Variants in HSD17B11 observed in about 807,000 individuals in gnomAD.
HSD17B11 encodes the protein estradiol 17-beta-dehydrogenase 11.
In HSD17B11, 22 loss-of-function variants were observed where a neutral mutation model predicts 27.8. That is an observed-to-expected ratio of 0.79 (90% CI 0.56 to 1.13). HSD17B11 has a LOEUF of 1.13. Ranked by LOEUF, HSD17B11 falls within the 50% of genes most tolerant of loss-of-function variation. The pLI, the probability that HSD17B11 is intolerant of heterozygous loss-of-function variation, is 0.00. For missense variants in HSD17B11, 314 were observed against 351.1 expected (o/e 0.89, Z 0.84); for synonymous variants, 117 against 132.8 (o/e 0.88, Z 0.82).
chr4:87,345,022 T>C (rs916494805), intron 5 of HSD17B11: 1 of 152,328 alleles, frequency 6.6e-6, no homozygotes, highest in Admixed American at 6.5e-5. Flanking sequence ...CCCAGCACTT[T>C]GGAGGCTGAG....
At chr4:87,354,317 A>G (rs2110115945) in intron 5 of HSD17B11, among the ~76,000 whole-genome samples, 1 of 152,112 alleles carries the variant, frequency 6.6e-6, no homozygotes, top group South Asian at 2.1e-4. Context: ...AAATAATAAT[A>G]ATAATAAAAT....
chr4:87,378,225 A>C (rs1008812933), intron 2 of HSD17B11, among the ~76,000 whole-genome samples: 4 of 152,212 alleles, frequency 2.6e-5, no homozygotes, highest in African/African-American at 9.7e-5. Flanking sequence ...TTATACCTAT[A>C]TACTATTTTA....
chr4:87,369,719 A>T (rs1001735670), intron 4 of HSD17B11, among the ~76,000 whole-genome samples: 2 of 152,184 alleles, frequency 1.3e-5, no homozygotes, highest in Non-Finnish European at 2.9e-5. Flanking sequence ...TACAGGTGTC[A>T]GCCACCATGC....
At chr4:87,343,744 C>T (rs1735217634) in intron 5 of HSD17B11, among the ~76,000 whole-genome samples, 1 of 152,016 alleles carries the variant, frequency 6.6e-6, no homozygotes, top group South Asian at 2.1e-4. Context: ...GACGGGGTTT[C>T]ACCATGTTAG....
chr4:87,365,302 T>C (rs1246640608), intron 4 of HSD17B11, among the ~76,000 whole-genome samples: 3 of 152,198 alleles, frequency 2.0e-5, no homozygotes, highest in African/African-American at 7.2e-5. Flanking sequence ...TTCAGAAAAA[T>C]AGAAACTAAT....
rs1321690398 is a variant in HSD17B11 at position 87,391,184 on chromosome 4, G to A, written c.-114C>T. ...AAAGAGTAGGGGCGAGAGCAAGGAG[G>A]AACTCCCGTATCAAAGAAAAACAAC... On this transcript the variant is annotated 5_prime_UTR_variant, in exon 1 of 7. Transcript: ENST00000358290. 4 of 709,330 alleles carry A rather than the reference G, an allele frequency of 5.6e-6. No homozygotes were observed. The highest frequency in any genetic ancestry group is 6.8e-6 in the Non-Finnish European group (3 of 440,222). 43.9% of individuals were successfully genotyped at this position (709,330 alleles called of 1,614,324 possible). A position where few individuals can be genotyped will look rare whatever the true frequency, so the allele number is the denominator to read the frequency against.
chr4:87,360,601 C>A (rs1179139023), intron 4 of HSD17B11, among the ~76,000 whole-genome samples: 1 of 152,202 alleles, frequency 6.6e-6, no homozygotes, highest in African/African-American at 2.4e-5. Context: ...AGAACAAGAA[C>A]GTTTGAAGCC....
intron 4 of HSD17B11, 99 bp from the exon 5 acceptor site, chr4:87,357,515 C>G: frequency 8.7e-7 from 1 of 1,145,828 alleles, no homozygotes; most frequent in Non-Finnish European, 1.2e-6. Flanking sequence ...GTGGGCATTC[C>G]CTGAGTCTCA....
At chr4:87,370,408 ATAT>A (rs558649956) in intron 4 of HSD17B11, among the ~76,000 whole-genome samples, 14 of 151,716 alleles carry the variant, frequency 9.2e-5, no homozygotes, top group Admixed American at 5.3e-4. Flanking sequence ...AATAAGTTAG[ATAT>A]TATTATTATT....
intron 3 of HSD17B11, 142 bp from the exon 4 acceptor site, chr4:87,372,957 A>C (rs1424293152): frequency 6.6e-6 from 4 of 603,522 alleles, no homozygotes; most frequent in Non-Finnish European, 1.2e-5. Flanking sequence ...CAAATGCAGC[A>C]ACAATAAGGT....
intron 2 of HSD17B11, among the ~76,000 whole-genome samples, chr4:87,380,751 C>T (rs1053847534): frequency 9.5e-5 from 14 of 147,578 alleles, no homozygotes; most frequent in African/African-American, 3.0e-4. Flanking sequence ...CCAGCTACTC[C>T]GGAGGCTGAG....
intron 4 of HSD17B11, among the ~76,000 whole-genome samples, chr4:87,366,979 A>C (rs906808053): frequency 1.3e-5 from 2 of 152,172 alleles, no homozygotes; most frequent in African/African-American, 4.8e-5. Flanking sequence ...TTTTCAAAGG[A>C]AACTTCTTTT....
chr4:87,363,145 G>T (rs574308865), intron 4 of HSD17B11, among the ~76,000 whole-genome samples: 2 of 151,968 alleles, frequency 1.3e-5, no homozygotes, highest in African/African-American at 4.8e-5. Context: ...TTTCCTTTAT[G>T]ATGCAGCTTG....
At chr4:87,382,013 G>C (rs7671001) in intron 2 of HSD17B11, among the ~76,000 whole-genome samples, 5,755 of 152,158 alleles carry the variant, frequency 0.038, 388 homozygotes, top group African/African-American at 0.13. Context: ...ATCTCTGGAA[G>C]TGGAGCCCAA....
At chr4:87,384,278 T>C (rs1186137257) in intron 1 of HSD17B11, among the ~76,000 whole-genome samples, 1 of 152,232 alleles carries the variant, frequency 6.6e-6, no homozygotes, top group Non-Finnish European at 1.5e-5. Flanking sequence ...GCTGAGGATG[T>C]ACGTCACCTC....
At position 87,337,171 on chromosome 4, in the gene HSD17B11, A is replaced by C; in HGVS notation, c.*105T>G. 2 of 759,960 alleles carry C rather than the reference A, an allele frequency of 2.6e-6. No homozygotes were observed. The highest frequency in any genetic ancestry group is 4.7e-5 in the Admixed American group (2 of 42,996). 47.1% of individuals were successfully genotyped at this position (759,960 alleles called of 1,614,324 possible). A position where few individuals can be genotyped will look rare whatever the true frequency, so the allele number is the denominator to read the frequency against. ...CAAAGCCTCAAAAATGATATTGAAG[A>C]AATGGGGATAATTAGAAAAAACAGA... On this transcript the variant is annotated 3_prime_UTR_variant, in exon 7 of 7. Coordinates refer to ENST00000358290, the MANE Select transcript of HSD17B11 (RefSeq NM_016245.5).
intron 2 of HSD17B11, among the ~76,000 whole-genome samples, chr4:87,381,382 T>A (rs912914466): frequency 2.6e-5 from 4 of 152,090 alleles, no homozygotes; most frequent in Non-Finnish European, 5.9e-5. Context: ...AGTTAACAGG[T>A]ACAAGCGAGA....
At chr4:87,381,524 G>C (rs1380524047) in intron 2 of HSD17B11, among the ~76,000 whole-genome samples, 1 of 152,102 alleles carries the variant, frequency 6.6e-6, no homozygotes, top group Non-Finnish European at 1.5e-5. Flanking sequence ...TTGGGAGGCT[G>C]AGGTGGGTGG....
In HSD17B11 at chr4:87,369,748, T is replaced by C. The variant is rs563136983; in HGVS notation, c.557+2961A>G. Reference sequence around the variant, plus strand: ...ACCATGCCTGGCCCCAGATTTTTCTTTTAAATAACATTTTGTTACAAGCTA... The same window carrying C: ...ACCATGCCTGGCCCCAGATTTTTCTCTTAAATAACATTTTGTTACAAGCTA... On this transcript the variant is annotated intron_variant, in intron 4 of 6. Coordinates refer to ENST00000358290, the MANE Select transcript of HSD17B11 (RefSeq NM_016245.5). 2.0e-5 allele frequency among the ~76,000 whole-genome samples: 3 copies of C among 152,332 alleles called. No individual in the cohort carries two copies. The South Asian group carries it at 6.2e-4, about 32-fold the overall frequency.
Sources: allele counts gnomAD v4.1 joint callset (sites outside exome capture counted in the v4.1 genomes callset), GRCh38; gene constraint gnomAD v4.1.1; transcripts MANE v1.5; gene names NCBI Gene and HGNC (gene_info 2026-07-23, HGNC 2026-07-21).